The following POC1B variants were observed in gnomAD, a reference collection of about 807,000 sequenced individuals.
POC1B encodes the protein POC1 centriolar protein homolog B.
In POC1B, 44 loss-of-function variants were observed where a neutral mutation model predicts 60.6. That is an observed-to-expected ratio of 0.73 (90% CI 0.57 to 0.93). The LOEUF is 0.93. Among genes scored for constraint, POC1B ranks in the 40% least tolerant of loss-of-function variants. The probability of loss-of-function intolerance (pLI) is 0.00; values close to 1 mark genes in which losing one functional copy is unlikely to be tolerated. For synonymous variants in POC1B, 180 were observed against 198.9 expected, an observed-to-expected ratio of 0.90 and a Z score of 0.80; for missense variants, 555 against 572.3, an observed-to-expected ratio of 0.97 and a Z score of 0.31.
chr12:89,501,101 C>A, intron 2 of POC1B: 4 of 1,234,402 alleles, frequency 3.2e-6, no homozygotes, highest in East Asian at 4.6e-5. Context: ...CGCACCATAT[C>A]CCCGGCTGAG....
rs1871358999 is a variant in POC1B, at chr12:89,525,327, T to A, written c.16-123A>T. ...ATGGCCACCCAGGCGGCGGCTTGGC[T>A]GGGCGGCGGGGCCGGGCAGCAGCCC... is the stretch of plus-strand genomic sequence containing the variant. On this transcript the variant is annotated intron_variant, in intron 1 of 11. Transcript: ENST00000313546. 3 of 1,448,040 alleles carry A rather than the reference T, an allele frequency of 2.1e-6. No homozygotes were observed. In the South Asian group the frequency reaches 4.3e-5, roughly 21 times the overall value. The allele number at this position is 1,448,040 out of a possible 1,614,324, so 89.7% of individuals were successfully genotyped here. A position where few individuals can be genotyped will look rare whatever the true frequency, so the allele number is the denominator to read the frequency against.
In POC1B at chr12:89,500,070, C is replaced by T. The variant is rs1041633667; in HGVS notation, c.101-2728G>A. On this transcript the variant is annotated intron_variant, in intron 2 of 11. Transcript: ENST00000313546. ...TGTGGGCTTCCACCTCAGACACCTG[C>T]GCTGGCTCAGCGGGGCCGGAACATG... The T allele has an allele frequency of 6.9e-6, 9 of 1,300,334 alleles. No homozygotes were observed. In the East Asian group the frequency reaches 1.5e-4, roughly 22 times the overall value. The allele number at this position is 1,300,334 out of a possible 1,614,324, so 80.5% of individuals were successfully genotyped here.
At chr12:89,438,495 A>G (rs972186198) in intron 10 of POC1B, among the ~76,000 whole-genome samples, 1 of 152,204 alleles carries the variant, frequency 6.6e-6, no homozygotes, top group Non-Finnish European at 1.5e-5. Context: ...AAAGCTCTTC[A>G]AAAGGTTAGC....
intron 4 of POC1B, among the ~76,000 whole-genome samples, chr12:89,489,762 G>GCCATACC (rs1455698248): frequency 3.3e-5 from 5 of 152,196 alleles, no homozygotes; most frequent in African/African-American, 9.7e-5. Context: ...CCACCTCTGT[G>GCCATACC]CCATACCCCA....
the POC1B span, among the ~76,000 whole-genome samples, chr12:89,412,830 C>CCTT: frequency 1.1e-4 from 14 of 131,026 alleles, no homozygotes; most frequent in East Asian, 9.8e-4. Context: ...TTCCTTCCTT[C>CCTT]CTTCCTTCCT....
At position 89,420,028 on chromosome 12, in the gene POC1B, T is replaced by C. The variant is rs1438741616; in HGVS notation, c.*1125A>G. 2 of 152,200 alleles carry C rather than the reference T, an allele frequency of 1.3e-5. No individual in the cohort carries two copies. Among genetic ancestry groups the C allele is most frequent in the African/African-American group, 4.8e-5 (2 of 41,458 alleles). The allele number at this position is 152,200 out of a possible 1,614,324, so 9.4% of individuals were successfully genotyped here. On this transcript the variant is annotated 3_prime_UTR_variant, in exon 12 of 12. Coordinates refer to ENST00000313546, the MANE Select transcript of POC1B (RefSeq NM_172240.3). ...TTTTCCAAAACACAGAATAGCATTT[T>C]CCCCATGTTACCTATACACACCATA...
intron 2 of POC1B, chr12:89,523,156 T>C (rs748169477): frequency 2.0e-5 from 33 of 1,613,576 alleles, no homozygotes; most frequent in Non-Finnish European, 2.7e-5. Flanking sequence ...TGTGGGGTTG[T>C]TGTCAGGAGA....
rs755545988 is a variant in POC1B, at chr12:89,425,213, G to A, written c.1280C>T (p.Ala427Val). 6.2e-7 allele frequency: 1 copy of A among 1,614,172 alleles called. No individual in the cohort carries two copies. Among genetic ancestry groups the A allele is most frequent in the Non-Finnish European group, 8.5e-7 (1 of 1,180,012 alleles). ...PCESQRSIPL[A>V]VTDALEHIME... ...AATATGCTCTAAAGCATCAGTCACA[G>A]CGAGAGGTATGCTCCTTTGACTTTC... is the stretch of plus-strand genomic sequence containing the variant. The change falls in exon 11 of 12, where the codon GCT (alanine) becomes GTT (valine). Residue 427 changes from alanine to valine, a missense_variant. Transcript: ENST00000313546.
rs1190349166 is a variant in POC1B, at chr12:89,521,983, G to A, written c.100+3137C>T. The A allele has an allele frequency of 4.8e-5, 19 of 398,820 alleles. No individual in the cohort carries two copies. In the East Asian group the frequency reaches 6.1e-4, roughly 13 times the overall value. The allele number at this position is 398,820 out of a possible 1,614,324, so 24.7% of individuals were successfully genotyped here. ...AAATGATTAAGCATTAACAAAGGGAGGCATAGTATTCTGGATGAGTCCCTT... is the reference window on the plus strand; with the variant it reads ...AAATGATTAAGCATTAACAAAGGGAAGCATAGTATTCTGGATGAGTCCCTT... On this transcript the variant is annotated intron_variant, in intron 2 of 11. Coordinates refer to ENST00000313546, the MANE Select transcript of POC1B (RefSeq NM_172240.3).
chr12:89,478,069 C>G (rs1331634160), intron 4 of POC1B, among the ~76,000 whole-genome samples: 1 of 151,286 alleles, frequency 6.6e-6, no homozygotes, highest in African/African-American at 2.4e-5. Context: ...TTGGAGTTGC[C>G]CACAACCACA....
intron 10 of POC1B, among the ~76,000 whole-genome samples, chr12:89,454,491 T>C (rs978252317): frequency 6.6e-6 from 1 of 152,188 alleles, no homozygotes; most frequent in African/African-American, 2.4e-5. Flanking sequence ...ACAAGTCACG[T>C]CATGTCCCTC....
the POC1B span, among the ~76,000 whole-genome samples, chr12:89,409,087 G>C: frequency 6.6e-6 from 1 of 152,116 alleles, no homozygotes; most frequent in East Asian, 1.9e-4. Context: ...TCACTCTGAT[G>C]GTAGTTCCTT....
chr12:89,402,376 T>A, the POC1B span, among the ~76,000 whole-genome samples: 1 of 151,252 alleles, frequency 6.6e-6, no homozygotes, highest in Non-Finnish European at 1.5e-5. Context: ...CACACCCCTT[T>A]AAAAATTTTT....
chr12:89,449,460 TATACATAAGAA>T (rs1881946040), intron 10 of POC1B, among the ~76,000 whole-genome samples: 1 of 152,180 alleles, frequency 6.6e-6, no homozygotes, highest in South Asian at 2.1e-4. Context: ...AACATCATGT[TATACATAAGAA>T]ATACATACAA....
chr12:89,522,489 C>G, intron 2 of POC1B: 1 of 345,670 alleles, frequency 2.9e-6, no homozygotes, highest in East Asian at 4.4e-5. Flanking sequence ...TTTACTTGGA[C>G]CTTTACATTC....
chr12:89,480,295 C>T (rs1391734277), intron 4 of POC1B, among the ~76,000 whole-genome samples: 1 of 152,016 alleles, frequency 6.6e-6, no homozygotes, highest in Non-Finnish European at 1.5e-5. Flanking sequence ...TGCCACCATG[C>T]CCAGATAATT....
chr12:89,416,696 G>A (rs1377200583), downstream of POC1B, among the ~76,000 whole-genome samples: 2 of 152,160 alleles, frequency 1.3e-5, no homozygotes, highest in Non-Finnish European at 2.9e-5. Flanking sequence ...CCCAATAGTT[G>A]CAGATCTTCT....
chr12:89,471,605 A>T lies in POC1B; in HGVS notation c.676+9T>A. ...CGGTAACTGAATTTTTTGTTAGGAA[A>T]ATTGTTACCTTGGTAATGCTGTAGT... On this transcript the variant is annotated intron_variant, in intron 6 of 11. Coordinates refer to ENST00000313546, the MANE Select transcript of POC1B (RefSeq NM_172240.3). The T allele has an allele frequency of 1.9e-6, 3 of 1,590,496 alleles. No homozygotes were observed. Among genetic ancestry groups the T allele is most frequent in the Non-Finnish European group, 1.7e-6 (2 of 1,161,532 alleles).
At chr12:89,477,835 C>T (rs182253586) in intron 4 of POC1B, among the ~76,000 whole-genome samples, 191 of 152,254 alleles carry the variant, frequency 1.3e-3, no homozygotes, top group African/African-American at 4.3e-3. Flanking sequence ...TATCCTCCTG[C>T]GTCTTCATCT....
Sources: allele counts gnomAD v4.1 joint callset (sites outside exome capture counted in the v4.1 genomes callset), GRCh38; gene constraint gnomAD v4.1.1; transcripts MANE v1.5; gene names NCBI Gene and HGNC (gene_info 2026-07-23, HGNC 2026-07-21).